Variants in LRFN5 observed in about 807,000 individuals in gnomAD.
LRFN5 encodes the protein leucine rich repeat and fibronectin type III domain containing 5, also known as leucine-rich repeat and fibronectin type-III domain-containing protein 5.
LRFN5 carries 24 observed loss-of-function variants against 45.6 expected under a neutral mutation model. That is an observed-to-expected ratio of 0.53 (90% CI 0.38 to 0.74). The LOEUF (loss-of-function observed/expected upper bound fraction) is 0.74. Ranked by LOEUF, LRFN5 falls within the 30% of genes least tolerant of loss-of-function variation. The probability of loss-of-function intolerance (pLI) is 0.00; values close to 1 mark genes in which losing one functional copy is unlikely to be tolerated. For missense variants in LRFN5, 776 were observed against 861.5 expected, an observed-to-expected ratio of 0.90 and a Z score of 1.24; for synonymous variants, 340 against 313.8, an observed-to-expected ratio of 1.08 and a Z score of -0.88.
At chr14:41,734,316 T>TTATATATATA (rs60855395) in intron 1 of LRFN5, among the ~76,000 whole-genome samples, 443 of 38,750 alleles carry the variant, frequency 0.011, 44 homozygotes, top group Admixed American at 0.059. Context: ...TGGACTGGTT[T>TTATATATATA]TATATATATA....
At chr14:41,625,746 T>C (rs1289741463) in intron 1 of LRFN5, among the ~76,000 whole-genome samples, 1 of 152,134 alleles carries the variant, frequency 6.6e-6, no homozygotes, top group Non-Finnish European at 1.5e-5. Flanking sequence ...GTGTATTTTA[T>C]GAATTTTCAC....
chr14:41,782,093 A>G (rs1886549815), intron 2 of LRFN5, among the ~76,000 whole-genome samples: 1 of 151,844 alleles, frequency 6.6e-6, no homozygotes, highest in Non-Finnish European at 1.5e-5. Context: ...ATTGGTTATT[A>G]TTATTATTTT....
chr14:41,681,459 G>C (rs1415023985), intron 1 of LRFN5, among the ~76,000 whole-genome samples: 2 of 152,204 alleles, frequency 1.3e-5, no homozygotes, highest in Non-Finnish European at 2.9e-5. Flanking sequence ...GGGGAGAGTG[G>C]CATGACATAT....
intron 2 of LRFN5, among the ~76,000 whole-genome samples, chr14:41,768,596 G>A (rs1042158610): frequency 6.6e-6 from 1 of 152,026 alleles, no homozygotes; most frequent in Non-Finnish European, 1.5e-5. Context: ...TGCTTAAGGA[G>A]ACAGAGGACA....
chr14:41,863,842 C>T (rs1441485340), intron 2 of LRFN5, among the ~76,000 whole-genome samples: 1 of 145,716 alleles, frequency 6.9e-6, no homozygotes, highest in Non-Finnish European at 1.5e-5. Context: ...TAGCCCCCAA[C>T]CCCCAACAGG....
At chr14:41,793,772 A>G (rs1887021103) in intron 2 of LRFN5, among the ~76,000 whole-genome samples, 1 of 152,104 alleles carries the variant, frequency 6.6e-6, no homozygotes, top group African/African-American at 2.4e-5. Flanking sequence ...TGGATGAAGC[A>G]CAAAAGCAGA....
intron 4 of LRFN5, 128 bp from the exon 5 acceptor site, chr14:41,898,789 A>G: frequency 2.3e-6 from 2 of 886,192 alleles, no homozygotes; most frequent in African/African-American, 3.5e-5. Context: ...GTTTTTTAAA[A>G]AAAATCTTTA....
At chr14:41,632,026 A>G (rs1888552288) in intron 1 of LRFN5, among the ~76,000 whole-genome samples, 1 of 152,130 alleles carries the variant, frequency 6.6e-6, no homozygotes, top group Non-Finnish European at 1.5e-5. Context: ...AGGAAAAACA[A>G]GGGAGGACTA....
In LRFN5 at chr14:41,765,872, T is replaced by C. The variant is rs574334274; in HGVS notation, c.-196-982T>C. Among the ~76,000 whole-genome samples, 7 of 152,306 alleles carry C rather than the reference T, an allele frequency of 4.6e-5. No individual in the cohort carries two copies. In the South Asian group the frequency reaches 1.5e-3, roughly 32 times the overall value. On this transcript the variant is annotated intron_variant, in intron 1 of 5. Coordinates refer to ENST00000298119, the MANE Select transcript of LRFN5 (RefSeq NM_152447.5). ...AAATTAAGCAATAGCTTAATTTTCC[T>C]TTTTAAATAAATTCCTAATTATTGA...
Position 41,887,990 on chromosome 14 carries a change from T to G in LRFN5, c.1365T>G (p.Tyr455Ter). 6.2e-7 allele frequency: 1 copy of G among 1,603,252 alleles called. No homozygotes were observed. The highest frequency in any genetic ancestry group is 8.5e-7 in the Non-Finnish European group (1 of 1,174,372). ...RMFQIQYNGT[Y>*]DDTLVYRMIP... The stretch of plus-strand genomic sequence containing the variant: ...TTCAAATCCAGTACAATGGTACTTA[T>G]GATGACACCCTTGTTTACAGGTAAG... The change falls in exon 3 of 6, where the codon TAT (tyrosine) becomes TAG (stop). Residue 455 changes from tyrosine to a stop codon, truncating the protein, a stop_gained. Coordinates refer to ENST00000298119, the MANE Select transcript of LRFN5 (RefSeq NM_152447.5). LOFTEE classifies it high-confidence loss of function. The surrounding 1 kb of genome is among the most constrained non-coding windows in gnomAD (Gnocchi z 4.8).
chr14:41,778,010 G>T (rs1271815545), intron 2 of LRFN5, among the ~76,000 whole-genome samples: 1 of 102,170 alleles, frequency 9.8e-6, no homozygotes, highest in Non-Finnish European at 2.0e-5. Flanking sequence ...TTTTTTTTTG[G>T]TGGGGGGGGG....
chr14:41,676,737 G>A (rs924562078), intron 1 of LRFN5, among the ~76,000 whole-genome samples: 10 of 152,140 alleles, frequency 6.6e-5, no homozygotes, highest in African/African-American at 2.2e-4. Context: ...AAGTCTTCCT[G>A]ACTCAAGGGT....
At chr14:41,701,621 C>A (rs1431509329) in intron 1 of LRFN5, 3 of 152,104 alleles carry the variant, frequency 2.0e-5, no homozygotes, top group Admixed American at 6.6e-5. Context: ...TATAGGTGTG[C>A]TTTATGGGCA....
chr14:41,674,814 C>T (rs1309874342), intron 1 of LRFN5, among the ~76,000 whole-genome samples: 4 of 151,416 alleles, frequency 2.6e-5, no homozygotes, highest in Admixed American at 6.6e-5. Context: ...GAGGGGGCGG[C>T]TGCCGGGAGG....
intron 2 of LRFN5, among the ~76,000 whole-genome samples, chr14:41,788,430 G>A (rs1886805769): frequency 6.6e-6 from 1 of 151,950 alleles, no homozygotes; most frequent in South Asian, 2.1e-4. Context: ...CCAATTGTGT[G>A]AGGCCAGATA....
At chr14:41,721,952 CA>C (rs1295120862) in intron 1 of LRFN5, among the ~76,000 whole-genome samples, 1 of 152,106 alleles carries the variant, frequency 6.6e-6, no homozygotes, top group Admixed American at 6.5e-5. Context: ...ATTAATCCCT[CA>C]AATATGTTTT....
chr14:41,781,622 GAA>G (rs1236394191), intron 2 of LRFN5, among the ~76,000 whole-genome samples: 31 of 120,802 alleles, frequency 2.6e-4, no homozygotes, highest in African/African-American at 8.1e-4. Context: ...GAAAGAGAAA[GAA>G]AGAAAGAAAG....
Position 41,607,360 on chromosome 14 carries a change from A to G in LRFN5, c.-1399A>G, listed in dbSNP as rs1887530058. ...GCAGACCAACGAAACCTAGACAGAC[A>G]CACACACACTCAGAGGAGAGAGGAA... On this transcript the variant is annotated 5_prime_UTR_variant, in exon 1 of 6. Coordinates refer to ENST00000298119, the MANE Select transcript of LRFN5 (RefSeq NM_152447.5). Among the ~76,000 whole-genome samples, 3 of 152,112 alleles carry G rather than the reference A, an allele frequency of 2.0e-5. No homozygotes were observed. Among genetic ancestry groups the G allele is most frequent in the Admixed American group, 6.5e-5 (1 of 15,280 alleles).
intron 1 of LRFN5, among the ~76,000 whole-genome samples, chr14:41,661,838 C>CGGTAA (rs1334570017): frequency 6.6e-6 from 1 of 151,964 alleles, no homozygotes. Flanking sequence ...AACAATAAAC[C>CGGTAA]TATACCAAGA....
Sources: allele counts gnomAD v4.1 joint callset (sites outside exome capture counted in the v4.1 genomes callset), GRCh38; gene constraint gnomAD v4.1.1; non-coding constraint Gnocchi (gnomAD v3.1); transcripts MANE v1.5; gene names NCBI Gene and HGNC (gene_info 2026-07-23, HGNC 2026-07-21).